Variants in GLCCI1 observed in about 807,000 individuals in gnomAD.
GLCCI1 encodes the protein glucocorticoid induced 1.
Under a neutral mutation model 52.2 loss-of-function variants are expected in GLCCI1, and 24 were observed. The observed-to-expected ratio is 0.46, with a 90% CI of 0.33 to 0.65. The LOEUF is 0.65. Among genes scored for constraint, GLCCI1 ranks in the 30% least tolerant of loss-of-function variants. The pLI, the probability that GLCCI1 is intolerant of heterozygous loss-of-function variation, is 0.02. For synonymous variants in GLCCI1, 310 were observed against 276.5 expected (o/e 1.12, Z -1.20); for missense variants, 704 against 701.5 (o/e 1.00, Z -0.04).
chr7:7,981,266 T>C lies in GLCCI1; in HGVS notation c.457+11459T>C, dbSNP rs760817282. On this transcript the variant is annotated intron_variant, in intron 1 of 7. Transcript: ENST00000223145. ...TCTTTCTTTCTTTCTTTCTCTTTTTTTCTTTCTTTCTTTCTTTCTCTCTCC... is the reference window on the plus strand; with the variant it reads ...TCTTTCTTTCTTTCTTTCTCTTTTTCTCTTTCTTTCTTTCTTTCTCTCTCC... The C allele has an allele frequency of 4.3e-4, 98 of 229,526 alleles. No homozygotes were observed. The Middle Eastern group carries it at 9.9e-3, about 23-fold the overall frequency. 14.2% of individuals were successfully genotyped at this position (229,526 alleles called of 1,614,324 possible). A position where few individuals can be genotyped will look rare whatever the true frequency, so the allele number is the denominator to read the frequency against.
chr7:7,990,812 G>A (rs902835192), intron 1 of GLCCI1, among the ~76,000 whole-genome samples: 8 of 152,014 alleles, frequency 5.3e-5, no homozygotes, highest in African/African-American at 9.7e-5. Flanking sequence ...TAGAATTAAC[G>A]TCTGTGTTTC....
At chr7:8,005,793 G>T (rs1164775605) in intron 2 of GLCCI1, among the ~76,000 whole-genome samples, 22 of 151,032 alleles carry the variant, frequency 1.5e-4, no homozygotes, top group African/African-American at 4.4e-4. Flanking sequence ...TTTTTTTTTT[G>T]TTTGTTTGTT....
At chr7:8,081,386 G>GTGAT (rs1465260054) in intron 6 of GLCCI1, among the ~76,000 whole-genome samples, 2 of 152,158 alleles carry the variant, frequency 1.3e-5, no homozygotes, top group Non-Finnish European at 2.9e-5. Context: ...ATAAAGTAAT[G>GTGAT]TGATAGAGAT....
chr7:7,992,043 T>TTTTC (rs60028694), intron 1 of GLCCI1, among the ~76,000 whole-genome samples: 21,243 of 128,548 alleles, frequency 0.17, 1,928 homozygotes, highest in Non-Finnish European at 0.19. Flanking sequence ...AGAATTTATT[T>TTTTC]TTTCTTTCTT....
chr7:8,068,371 G>T (rs775444740), intron 5 of GLCCI1, among the ~76,000 whole-genome samples: 2 of 152,068 alleles, frequency 1.3e-5, no homozygotes, highest in East Asian at 3.9e-4. Context: ...AAAAAATTTC[G>T]TCTTAGTTCA....
At chr7:8,030,516 A>G (rs1183907238) in intron 3 of GLCCI1, among the ~76,000 whole-genome samples, 2 of 152,186 alleles carry the variant, frequency 1.3e-5, no homozygotes, top group African/African-American at 2.4e-5. Flanking sequence ...AGCACAGGCC[A>G]TCAAAGCAAA....
intron 3 of GLCCI1, among the ~76,000 whole-genome samples, chr7:8,039,939 G>A (rs1023213710): frequency 1.3e-5 from 2 of 149,618 alleles, no homozygotes; most frequent in African/African-American, 4.9e-5. Context: ...AGAGGTTGCA[G>A]TGAGCCGAGA....
chr7:8,036,206 C>T (rs1427326381), intron 3 of GLCCI1, among the ~76,000 whole-genome samples: 2 of 152,184 alleles, frequency 1.3e-5, no homozygotes, highest in Non-Finnish European at 2.9e-5. Context: ...CCTCCACCAT[C>T]CTGGCCCAAG....
intron 6 of GLCCI1, chr7:8,084,670 C>T (rs981978164): frequency 2.4e-6 from 1 of 420,680 alleles, no homozygotes; most frequent in African/African-American, 2.1e-5. Context: ...GTTTTCTGGA[C>T]CAAAATGTCC....
intron 2 of GLCCI1, among the ~76,000 whole-genome samples, chr7:8,006,018 G>A (rs950761496): frequency 4.3e-4 from 66 of 152,166 alleles, no homozygotes; most frequent in Admixed American, 2.2e-3. Flanking sequence ...AGCTGGTCTC[G>A]AACTCCTGAC....
At chr7:8,068,844 G>A (rs1017279448) in intron 5 of GLCCI1, among the ~76,000 whole-genome samples, 9 of 152,136 alleles carry the variant, frequency 5.9e-5, no homozygotes, top group South Asian at 2.1e-4. Context: ...CATTGTACAA[G>A]GTTTTTATTT....
chr7:8,049,688 C>T (rs1266470540), intron 3 of GLCCI1, among the ~76,000 whole-genome samples: 2 of 152,134 alleles, frequency 1.3e-5, no homozygotes, highest in African/African-American at 4.8e-5. Context: ...ATATCTCCAG[C>T]ATCAAGAAAG....
At chr7:8,053,639 C>G (rs1204030278) in intron 3 of GLCCI1, among the ~76,000 whole-genome samples, 2 of 151,766 alleles carry the variant, frequency 1.3e-5, no homozygotes, top group African/African-American at 4.8e-5. Flanking sequence ...TATTCCCTAA[C>G]TAATGTTTTA....
chr7:8,032,903 T>C (rs1171447666), intron 3 of GLCCI1, among the ~76,000 whole-genome samples: 1 of 152,050 alleles, frequency 6.6e-6, no homozygotes, highest in Non-Finnish European at 1.5e-5. Context: ...CAATTTATTT[T>C]TTCAGGTCAT....
At chr7:8,070,733 G>T (rs1010287858) in intron 5 of GLCCI1, 188 bp from the exon 6 acceptor site, 10 of 567,922 alleles carry the variant, frequency 1.8e-5, no homozygotes, top group African/African-American at 1.7e-4. Context: ...TGATTTAAAA[G>T]AAATGTTTAG....
At chr7:8,064,577 G>A (rs1045393024) in intron 5 of GLCCI1, among the ~76,000 whole-genome samples, 1 of 152,112 alleles carries the variant, frequency 6.6e-6, no homozygotes, top group Non-Finnish European at 1.5e-5. Flanking sequence ...TACCTTGGCT[G>A]TTCAAGCTCC....
intron 1 of GLCCI1, among the ~76,000 whole-genome samples, chr7:7,987,970 G>T (rs1183879780): frequency 6.6e-6 from 1 of 152,092 alleles, no homozygotes; most frequent in Non-Finnish European, 1.5e-5. Context: ...TTTTCCTCAT[G>T]ATATTAAATT....
chr7:8,044,274 A>T (rs1583996220), intron 3 of GLCCI1, among the ~76,000 whole-genome samples: 1 of 152,150 alleles, frequency 6.6e-6, no homozygotes, highest in Admixed American at 6.5e-5. Flanking sequence ...AAAGTTACAC[A>T]CCACTAAAGT....
Position 8,086,391 on chromosome 7 carries a change from C to G in GLCCI1, c.1497C>G (p.Ser499=). ...CTCTGACCGTTGAGCAGCTCTCATC[C>G]CGGGTTTCCTTTACGTCTCTTTCTG... ...LATLTVEQLS[S]RVSFTSLSDD... Residue 499 remains serine (S), a synonymous_variant, in exon 8 of 8, where the codon TCC becomes TCG. Coordinates refer to ENST00000223145, the MANE Select transcript of GLCCI1 (RefSeq NM_138426.4). This position sits in a 1 kb window ranked among gnomAD's most constrained non-coding sequence, Gnocchi z 4.4. The G allele has an allele frequency of 2.5e-6, 4 of 1,614,130 alleles. No individual in the cohort carries two copies. In the South Asian group the frequency reaches 4.4e-5, roughly 18 times the overall value.
Sources: allele counts gnomAD v4.1 joint callset (sites outside exome capture counted in the v4.1 genomes callset), GRCh38; gene constraint gnomAD v4.1.1; non-coding constraint Gnocchi (gnomAD v3.1); transcripts MANE v1.5; gene names NCBI Gene and HGNC (gene_info 2026-07-23, HGNC 2026-07-21).